Variants in GLI2 observed in about 807,000 individuals in gnomAD.
GLI2 encodes the protein GLI family zinc finger 2, also known as transcription activator GLI2.
In GLI2, 22 loss-of-function variants were observed where a neutral mutation model predicts 78.9. That is an observed-to-expected ratio of 0.28 (90% CI 0.20 to 0.40). The LOEUF is 0.40. GLI2 is among the 10% of genes least tolerant of loss of function. The pLI is 1.00. For synonymous variants in GLI2, 974 were observed against 963.7 expected, an observed-to-expected ratio of 1.01 and a Z score of -0.20; for missense variants, 2,097 against 2,213.2, an observed-to-expected ratio of 0.95 and a Z score of 1.05.
Position 120,848,648 on chromosome 2 carries a change from A to G in GLI2, c.148+51180A>G, listed in dbSNP as rs549507336. Among the ~76,000 whole-genome samples, 3 of 152,328 alleles carry G rather than the reference A, an allele frequency of 2.0e-5. No individual in the cohort carries two copies. In the East Asian group the frequency reaches 5.8e-4, roughly 29 times the overall value. ...CTTGGCACCTTTGCCTTTCCTGCTA[A>G]AAATGGTGGCAGTTCTGCATTTCTA... is the stretch of plus-strand genomic sequence containing the variant. On this transcript the variant is annotated intron_variant, in intron 2 of 13. Transcript: ENST00000361492.
At chr2:120,858,320 T>C (rs1687752651) in intron 2 of GLI2, among the ~76,000 whole-genome samples, 1 of 152,360 alleles carries the variant, frequency 6.6e-6, no homozygotes, top group Admixed American at 6.5e-5. Context: ...GTACTCCTTG[T>C]GGTACTTGGC....
intron 1 of GLI2, among the ~76,000 whole-genome samples, chr2:120,771,504 T>A (rs1683521024): frequency 6.6e-6 from 1 of 151,138 alleles, no homozygotes; most frequent in Non-Finnish European, 1.5e-5. Context: ...AGGCCTTCCT[T>A]CTCAAAGACT....
In GLI2 at chr2:120,835,385, C is replaced by CTT. The variant is rs544747953; in HGVS notation, c.148+37933_148+37934dup. Among the ~76,000 whole-genome samples, 1,079 of 132,358 alleles carry CTT rather than the reference C, an allele frequency of 8.2e-3. 13 individuals carry two copies. Among genetic ancestry groups the CTT allele is most frequent in the African/African-American group, 0.012 (414 of 35,000 alleles). 86.8% of individuals were successfully genotyped at this position (132,358 alleles called of 152,430 possible). A position where few individuals can be genotyped will look rare whatever the true frequency, so the allele number is the denominator to read the frequency against. On this transcript the variant is annotated intron_variant, in intron 2 of 13. Transcript: ENST00000361492. Reference sequence around the variant, plus strand: ...GCCCCAGCCAGTCACAGGCACCAGACTTTTTTTTTTTTTTTTTGGAGACAG... The same window carrying CTT: ...GCCCCAGCCAGTCACAGGCACCAGACTTTTTTTTTTTTTTTTTTTGGAGACAG...
intron 1 of GLI2, among the ~76,000 whole-genome samples, chr2:120,752,564 T>C (rs1341704174): frequency 2.6e-5 from 4 of 152,160 alleles, no homozygotes; most frequent in Non-Finnish European, 5.9e-5. Flanking sequence ...CCACCGCACC[T>C]GGCCCTATCT....
intron 2 of GLI2, among the ~76,000 whole-genome samples, chr2:120,874,653 G>C (rs182005387): frequency 6.6e-6 from 1 of 152,298 alleles, no homozygotes; most frequent in East Asian, 1.9e-4. Context: ...TTGTTTTCTC[G>C]GGGCTGAAAT....
chr2:120,950,812 C>T (rs1042558710), intron 3 of GLI2, among the ~76,000 whole-genome samples: 3 of 152,250 alleles, frequency 2.0e-5, no homozygotes, highest in African/African-American at 7.2e-5. Context: ...GCAGTATGAG[C>T]TCTTTGCGTT....
At chr2:120,870,003 A>G (rs1268741071) in intron 2 of GLI2, among the ~76,000 whole-genome samples, 1 of 152,218 alleles carries the variant, frequency 6.6e-6, no homozygotes, top group Non-Finnish European at 1.5e-5. Context: ...TCCAATTTCT[A>G]ACATGTATAA....
At chr2:120,757,459 A>G (rs960042088) in intron 1 of GLI2, among the ~76,000 whole-genome samples, 2 of 152,214 alleles carry the variant, frequency 1.3e-5, no homozygotes, top group African/African-American at 4.8e-5. Context: ...TCTCTACCCA[A>G]GGCTGTGTGA....
At chr2:120,747,694 G>C (rs528981523) in intron 1 of GLI2, among the ~76,000 whole-genome samples, 208 of 152,348 alleles carry the variant, frequency 1.4e-3, no homozygotes, top group African/African-American at 4.5e-3. Flanking sequence ...AATGTCAGCA[G>C]TGCTGCTCTC....
At chr2:120,958,276 C>T (rs1339502666) in intron 5 of GLI2, among the ~76,000 whole-genome samples, 1 of 152,222 alleles carries the variant, frequency 6.6e-6, no homozygotes, top group Non-Finnish European at 1.5e-5. Flanking sequence ...TGGAATAATG[C>T]TGGTGCAGGT....
intron 11 of GLI2, among the ~76,000 whole-genome samples, chr2:120,984,027 A>G (rs1682848217): frequency 6.7e-6 from 1 of 149,434 alleles, no homozygotes; most frequent in Non-Finnish European, 1.5e-5. Flanking sequence ...GGGTTTTTTC[A>G]CCCCATTACT....
At position 120,986,613 on chromosome 2, in the gene GLI2, T is replaced by C. The variant is rs201315305; in HGVS notation, c.2241T>C (p.Ser747=). The change falls in exon 13 of 14, where the codon AGT becomes AGC. Residue 747 remains serine (S), a splice_region_variant and synonymous_variant. Coordinates refer to ENST00000361492, the MANE Select transcript of GLI2 (RefSeq NM_001374353.1). Reference sequence around the variant, plus strand: ...CCAAGCTGCCTCCCCTCCCGGGAAGTGGTGAGTAAAGGCCTGGGGTTTGCA... The same window carrying C: ...CCAAGCTGCCTCCCCTCCCGGGAAGCGGTGAGTAAAGGCCTGGGGTTTGCA... The part of the protein sequence containing the change: ...RNTKLPPLPG[S]GSILENFSGS... 29 of 1,613,642 alleles carry C rather than the reference T, an allele frequency of 1.8e-5. No homozygotes were observed. In the East Asian group the frequency reaches 6.2e-4, roughly 35 times the overall value.
chr2:120,849,513 G>T (rs1169720327), intron 2 of GLI2, among the ~76,000 whole-genome samples: 1 of 152,112 alleles, frequency 6.6e-6, no homozygotes, highest in Non-Finnish European at 1.5e-5. Flanking sequence ...AGAAAGTAAG[G>T]TAACTCTCTG....
intron 2 of GLI2, among the ~76,000 whole-genome samples, chr2:120,828,688 C>T (rs920037446): frequency 2.0e-5 from 3 of 152,088 alleles, no homozygotes; most frequent in Non-Finnish European, 4.4e-5. Flanking sequence ...CAGCCAAATC[C>T]GCTCAGTAAG....
chr2:120,916,231 T>C (rs1558879828), intron 2 of GLI2, among the ~76,000 whole-genome samples: 1 of 152,252 alleles, frequency 6.6e-6, no homozygotes, highest in Non-Finnish European at 1.5e-5. Context: ...TCTTACTATG[T>C]GTATTACATC....
intron 2 of GLI2, among the ~76,000 whole-genome samples, chr2:120,884,720 G>A (rs1419676809): frequency 2.0e-5 from 3 of 152,198 alleles, no homozygotes; most frequent in Non-Finnish European, 4.4e-5. Context: ...TGACATTAGG[G>A]TGGCCGTCGG....
At chr2:120,960,605 C>T (rs1002530474) in intron 5 of GLI2, among the ~76,000 whole-genome samples, 10 of 152,154 alleles carry the variant, frequency 6.6e-5, no homozygotes, top group Admixed American at 1.3e-4. Flanking sequence ...AAACCTAATC[C>T]CTGTCTGAAG....
At chr2:120,860,397 C>T (rs1201381701) in intron 2 of GLI2, among the ~76,000 whole-genome samples, 1 of 152,218 alleles carries the variant, frequency 6.6e-6, no homozygotes, top group Admixed American at 6.5e-5. Context: ...TCCTGAGATT[C>T]TCTCAGGCCC....
intron 2 of GLI2, 152 bp downstream of exon 2, chr2:120,797,620 G>C: frequency 1.3e-6 from 1 of 743,214 alleles, no homozygotes; most frequent in Non-Finnish European, 2.2e-6. Context: ...GGAATCCCAG[G>C]CACCATGAAG....
Sources: gnomAD v4.1 joint callset for allele counts (sites outside exome capture counted in the v4.1 genomes callset) on GRCh38, gnomAD v4.1.1 for gene constraint, MANE v1.5 for transcripts, NCBI Gene and HGNC (gene_info 2026-07-23, HGNC 2026-07-21) for gene names.